MBD3L1: variants seen among roughly 807,000 people sequenced by gnomAD.
MBD3L1 encodes methyl-CpG-binding domain protein 3-like 1.
For synonymous variants in MBD3L1, 84 were observed against 85.1 expected (o/e 0.99, Z 0.07); for missense variants, 203 against 230.1 (o/e 0.88, Z 0.76).
Position 8,832,537 on chromosome 19 carries a change from G to A in MBD3L1, c.-107+15G>A, listed in dbSNP as rs10401317. ...CAGTAGCGGGGGTAAGGTTGGCCCTGGGGGCGGGGCCAGGCTGTGAGCCGC... is the reference window on the plus strand; with the variant it reads ...CAGTAGCGGGGGTAAGGTTGGCCCTAGGGGCGGGGCCAGGCTGTGAGCCGC... On this transcript the variant is annotated intron_variant, in intron 1 of 2. Coordinates refer to ENST00000595891, the MANE Select transcript of MBD3L1 (RefSeq NM_001393532.1). 5,062 of 153,238 alleles carry A rather than the reference G, an allele frequency of 0.033. 293 individuals carry two copies. The highest frequency in any genetic ancestry group is 0.12 in the African/African-American group (4,794 of 41,544). The allele number at this position is 153,238 out of a possible 1,614,324, so 9.5% of individuals were successfully genotyped here.
chr19:8,840,842 C>G (rs1339126564), intron 1 of MBD3L1, 73 bp from the exon 2 acceptor site: 1 of 152,022 alleles, frequency 6.6e-6, no homozygotes, highest in Non-Finnish European at 1.5e-5. Flanking sequence ...ATGGATTCTT[C>G]CCAGTTGATG....
chr19:8,842,317 A>AC (rs2044521501), intron 2 of MBD3L1, among the ~76,000 whole-genome samples: 1 of 85,572 alleles, frequency 1.2e-5, no homozygotes, highest in Non-Finnish European at 2.2e-5. Context: ...ACGGAGTGGG[A>AC]CAAAAAAAAA....
chr19:8,834,955 CA>C (rs1648524439), intron 1 of MBD3L1, among the ~76,000 whole-genome samples: 1 of 151,464 alleles, frequency 6.6e-6, no homozygotes, highest in African/African-American at 2.4e-5. Context: ...AAGACATTTA[CA>C]AATGATTTAT....
Position 8,842,881 on chromosome 19 carries a change from A to G in MBD3L1, c.203A>G (p.Gln68Arg). Reference protein sequence around the residue: ...SLEKPQQVCWQRRLQGLQAYS... With the variant: ...SLEKPQQVCWRRRLQGLQAYS... The stretch of plus-strand genomic sequence containing the variant: ...GAGAAGCCTCAGCAGGTCTGCTGGC[A>G]GAGGAGACTGCAGGGACTCCAGGCT... The change falls in exon 3 of 3, where the codon CAG (glutamine) becomes CGG (arginine). Residue 68 changes from glutamine (Q) to arginine (R), a missense_variant. Transcript: ENST00000595891. 1 of 1,614,262 alleles carries G rather than the reference A, an allele frequency of 6.2e-7. No individual in the cohort carries two copies. The highest frequency in any genetic ancestry group is 8.5e-7 in the Non-Finnish European group (1 of 1,180,050).
intron 1 of MBD3L1, among the ~76,000 whole-genome samples, chr19:8,836,332 T>A (rs1294680924): frequency 6.6e-6 from 1 of 151,854 alleles, no homozygotes; most frequent in Non-Finnish European, 1.5e-5. Flanking sequence ...AAATGTGAGT[T>A]CTTCTCTTCT....
intron 2 of MBD3L1, among the ~76,000 whole-genome samples, chr19:8,841,607 A>G (rs1284583350): frequency 6.6e-6 from 1 of 152,130 alleles, no homozygotes; most frequent in East Asian, 1.9e-4. Flanking sequence ...CCCAGACTGG[A>G]GTGCAGTGGT....
intron 1 of MBD3L1, among the ~76,000 whole-genome samples, chr19:8,839,719 G>A (rs2044491360): frequency 6.6e-6 from 1 of 152,102 alleles, no homozygotes; most frequent in East Asian, 1.9e-4. Context: ...GGAGTTGCTG[G>A]AGGTGAGGAG....
intron 2 of MBD3L1, among the ~76,000 whole-genome samples, chr19:8,842,144 T>C (rs921847507): frequency 6.6e-6 from 1 of 151,326 alleles, no homozygotes; most frequent in Non-Finnish European, 1.5e-5. Flanking sequence ...GCCTGGACAA[T>C]ATGGTGAAAC....
At chr19:8,833,446 C>A (rs2044410554) in intron 1 of MBD3L1, 1 of 152,150 alleles carries the variant, frequency 6.6e-6, no homozygotes, top group Admixed American at 6.5e-5. Context: ...TAATTTTCTC[C>A]TCTATCTTTC....
Position 8,835,709 on chromosome 19 carries a change from T to A in MBD3L1, c.-107+3187T>A, listed in dbSNP as rs951805695. ...AGAGAAATGAAAACATGTGTTCACA[T>A]GACAGCTTGTACATGAATGTTCATA... On this transcript the variant is annotated intron_variant, in intron 1 of 2. Transcript: ENST00000595891. 3.9e-5 allele frequency among the ~76,000 whole-genome samples: 6 copies of A among 152,298 alleles called. No individual in the cohort carries two copies. The South Asian group carries it at 1.2e-3, about 32-fold the overall frequency.
chr19:8,838,595 C>T (rs960311173), intron 1 of MBD3L1, among the ~76,000 whole-genome samples: 8 of 152,288 alleles, frequency 5.3e-5, no homozygotes, highest in African/African-American at 1.9e-4. Context: ...CTATTTTAAC[C>T]TGCGATGGCC....
At chr19:8,842,037 C>T (rs996068343) in intron 2 of MBD3L1, among the ~76,000 whole-genome samples, 1 of 151,964 alleles carries the variant, frequency 6.6e-6, no homozygotes, top group African/African-American at 2.4e-5. Context: ...ATAAGAATGG[C>T]AGGATTTGGG....
intron 1 of MBD3L1, among the ~76,000 whole-genome samples, chr19:8,836,471 C>G (rs1052730858): frequency 2.7e-5 from 4 of 149,870 alleles, no homozygotes; most frequent in African/African-American, 7.4e-5. Context: ...TCCTCCCCCC[C>G]TCTCCTCCTC....
intron 1 of MBD3L1, among the ~76,000 whole-genome samples, chr19:8,838,702 T>C (rs1568483963): frequency 6.6e-6 from 1 of 152,104 alleles, no homozygotes; most frequent in Non-Finnish European, 1.5e-5. Flanking sequence ...TAAAATAATT[T>C]CCCAAGACAG....
intron 1 of MBD3L1, among the ~76,000 whole-genome samples, chr19:8,834,198 G>A (rs1184011875): frequency 2.6e-5 from 4 of 152,226 alleles, no homozygotes; most frequent in Non-Finnish European, 5.9e-5. Flanking sequence ...TCAGGTGGCT[G>A]AAGGAAGTTT....
chr19:8,835,021 A>T (rs1165315269), intron 1 of MBD3L1, among the ~76,000 whole-genome samples: 1 of 152,128 alleles, frequency 6.6e-6, no homozygotes, highest in Non-Finnish European at 1.5e-5. Context: ...AGCAATAAAA[A>T]GATACCCAAT....
chr19:8,842,197 A>T (rs1464457837), intron 2 of MBD3L1, among the ~76,000 whole-genome samples: 1 of 151,886 alleles, frequency 6.6e-6, no homozygotes, highest in Non-Finnish European at 1.5e-5. Context: ...ATGGTGATGC[A>T]CGCCTGTAGT....
chr19:8,839,604 A>C (rs2044490507), intron 1 of MBD3L1, among the ~76,000 whole-genome samples: 1 of 152,192 alleles, frequency 6.6e-6, no homozygotes, highest in South Asian at 2.1e-4. Flanking sequence ...TGTCAGATGA[A>C]TAATGAGAAT....
At position 8,843,093 on chromosome 19, in the gene MBD3L1, A is replaced by T; in HGVS notation, c.415A>T (p.Ile139Phe). Residue 139 changes from isoleucine (I) to phenylalanine (F), a missense_variant, in exon 3 of 3, where the codon ATC (isoleucine) becomes TTC (phenylalanine). Physicochemically the swap from Ile to Phe is conservative, Grantham distance 21. Transcript: ENST00000595891. The stretch of plus-strand genomic sequence containing the variant: ...GATAATTCCTGCAGAGGGAGTGGGT[A>T]TCTCGCAGCTCCTCTGCAAACAATT... ...VEIIPAEGVGISQLLCKQFLV... is the reference protein window; with the variant it reads ...VEIIPAEGVGFSQLLCKQFLV... The T allele has an allele frequency of 3.1e-6, 5 of 1,613,912 alleles. No homozygotes were observed. Among genetic ancestry groups the T allele is most frequent in the Non-Finnish European group, 4.2e-6 (5 of 1,179,908 alleles).
Sources: allele counts gnomAD v4.1 joint callset (sites outside exome capture counted in the v4.1 genomes callset), GRCh38; gene constraint gnomAD v4.1.1; transcripts MANE v1.5; gene names NCBI Gene and HGNC (gene_info 2026-07-23, HGNC 2026-07-21).